Variants in FRMPD1 observed in about 807,000 individuals in gnomAD.
The protein encoded by FRMPD1 is FERM and PDZ domain containing 1.
In FRMPD1, 76 loss-of-function variants were observed where a neutral mutation model predicts 117.8. The observed-to-expected ratio is 0.65, with a 90% CI of 0.54 to 0.78. The LOEUF (loss-of-function observed/expected upper bound fraction) is 0.78, where lower values mean the gene tolerates loss of function less well. FRMPD1 is among the 30% of genes least tolerant of loss of function. The pLI is 0.00. For missense variants in FRMPD1, 1,786 were observed against 1,964.5 expected, an observed-to-expected ratio of 0.91 and a Z score of 1.72; for synonymous variants, 783 against 770.4, an observed-to-expected ratio of 1.02 and a Z score of -0.27.
chr9:37,676,110 T>A (rs543935326), intron 1 of FRMPD1, among the ~76,000 whole-genome samples: 334 of 152,360 alleles, frequency 2.2e-3, no homozygotes, highest in African/African-American at 7.5e-3. Context: ...GCATCACTTT[T>A]ACAGTTGTAC....
At chr9:37,676,096 C>T (rs1821518362) in intron 1 of FRMPD1, among the ~76,000 whole-genome samples, 1 of 152,238 alleles carries the variant, frequency 6.6e-6, no homozygotes, top group Non-Finnish European at 1.5e-5. Flanking sequence ...CCTGTCTGCG[C>T]TCCGCATCAC....
intron 2 of FRMPD1, among the ~76,000 whole-genome samples, chr9:37,702,234 C>T (rs370206511): frequency 1.2e-4 from 19 of 152,176 alleles, no homozygotes; most frequent in African/African-American, 4.3e-4. Context: ...ACTACATTAG[C>T]AGTAACATAT....
At chr9:37,669,975 A>G (rs1019659545) in intron 1 of FRMPD1, 1 of 151,512 alleles carries the variant, frequency 6.6e-6, no homozygotes, top group African/African-American at 2.4e-5. Context: ...CCTGGGCAAC[A>G]AGAGCAAAAC....
the FRMPD1 span, among the ~76,000 whole-genome samples, chr9:37,635,302 T>C: frequency 0.72 from 109,475 of 152,056 alleles, 40,614 homozygotes; most frequent in Non-Finnish European, 0.81. Flanking sequence ...AATGTTCAAT[T>C]GAATTTATTT....
At chr9:37,698,400 C>T (rs1263652848) in intron 2 of FRMPD1, among the ~76,000 whole-genome samples, 1 of 152,030 alleles carries the variant, frequency 6.6e-6, no homozygotes, top group East Asian at 1.9e-4. Flanking sequence ...ACTGACCCCT[C>T]CTTTATTGTA....
At chr9:37,632,289 A>T in the FRMPD1 span, among the ~76,000 whole-genome samples, 3 of 152,200 alleles carry the variant, frequency 2.0e-5, no homozygotes, top group Non-Finnish European at 4.4e-5. Context: ...ATGTTGATGA[A>T]CATTCTTGTT....
chr9:37,662,365 G>GC (rs1476548446), intron 1 of FRMPD1, among the ~76,000 whole-genome samples: 5 of 152,228 alleles, frequency 3.3e-5, no homozygotes, highest in African/African-American at 9.6e-5. Context: ...CATGAACTTT[G>GC]GGGGGTACAT....
intron 7 of FRMPD1, among the ~76,000 whole-genome samples, chr9:37,728,456 G>A (rs1240587282): frequency 6.6e-6 from 1 of 152,178 alleles, no homozygotes; most frequent in Non-Finnish European, 1.5e-5. Flanking sequence ...AAGAGTAATG[G>A]GGAAAGTATA....
intron 3 of FRMPD1, 117 bp from the exon 4 acceptor site, chr9:37,708,282 G>T (rs923543761): frequency 1.1e-5 from 7 of 664,626 alleles, no homozygotes; most frequent in Non-Finnish European, 1.6e-5. Flanking sequence ...TGAAGGCGGG[G>T]GAGTGAGCCA....
chr9:37,650,889 C>A (rs1190244252), upstream of FRMPD1: 1 of 148,284 alleles, frequency 6.7e-6, no homozygotes, highest in Non-Finnish European at 1.5e-5. Context: ...CAGCACCTGC[C>A]GCCGCCAGAC....
rs377727097 is a variant in FRMPD1 at position 37,744,866 on chromosome 9, G to C, written c.2834G>C (p.Arg945Pro). 3 of 1,614,050 alleles carry C rather than the reference G, an allele frequency of 1.9e-6. No individual in the cohort carries two copies. The highest frequency in any genetic ancestry group is 2.5e-6 in the Non-Finnish European group (3 of 1,179,980). The change falls in exon 16 of 16, where the codon CGC becomes CCC. Residue 945 changes from arginine (R) to proline (P), a missense_variant. By Grantham distance (103) the Arg-to-Pro change is moderately radical. Coordinates refer to ENST00000377765, the MANE Select transcript of FRMPD1 (RefSeq NM_014907.3). ...DSRVSSISAIRFRIDPNNKEN... is the reference protein window; with the variant it reads ...DSRVSSISAIPFRIDPNNKEN... ...CGAGTGTCTTCTATTTCTGCCATTC[G>C]CTTCCGGATTGACCCCAACAATAAA... is the stretch of plus-strand genomic sequence containing the variant.
intron 1 of FRMPD1, among the ~76,000 whole-genome samples, chr9:37,656,402 C>G (rs1820845767): frequency 1.3e-5 from 2 of 152,164 alleles, no homozygotes; most frequent in South Asian, 4.1e-4. Flanking sequence ...AAGGAATATA[C>G]TGTGTAAAAT....
At chr9:37,631,534 G>A in the FRMPD1 span, among the ~76,000 whole-genome samples, 2 of 152,232 alleles carry the variant, frequency 1.3e-5, no homozygotes, top group African/African-American at 4.8e-5. Flanking sequence ...CGTTTCCAAT[G>A]TGCATCTTGA....
chr9:37,634,042 TTTCTA>T, the FRMPD1 span, among the ~76,000 whole-genome samples: 7 of 152,214 alleles, frequency 4.6e-5, no homozygotes, highest in African/African-American at 1.7e-4. Context: ...ATTATTCTCT[TTTCTA>T]TTTTATTTGC....
rs377512929 is a variant in FRMPD1, at chr9:37,719,216, G to A, written c.516+40G>A. 5.7e-5 allele frequency: 73 copies of A among 1,271,218 alleles called. No homozygotes were observed. The African/African-American group carries it at 6.7e-4, about 12-fold the overall frequency. 78.7% of individuals were successfully genotyped at this position (1,271,218 alleles called of 1,614,324 possible). A position where few individuals can be genotyped will look rare whatever the true frequency, so the allele number is the denominator to read the frequency against. ...AAGGGATTGAAATTATGAAGCTGGC[G>A]AGCTGCCTTCTGGCACATAACTCCC... On this transcript the variant is annotated intron_variant, in intron 6 of 15. Coordinates refer to ENST00000377765, the MANE Select transcript of FRMPD1 (RefSeq NM_014907.3).
chr9:37,702,606 C>A (rs550876992), intron 2 of FRMPD1, among the ~76,000 whole-genome samples: 1 of 152,130 alleles, frequency 6.6e-6, no homozygotes, highest in African/African-American at 2.4e-5. Flanking sequence ...GAGGTAAGAT[C>A]AGTCTGGAGT....
At chr9:37,719,222 C>T in intron 6 of FRMPD1, 46 bp downstream of exon 6, 3 of 1,149,724 alleles carry the variant, frequency 2.6e-6, no homozygotes, top group Non-Finnish European at 4.0e-6. Context: ...TGGCGAGCTG[C>T]CTTCTGGCAC....
In FRMPD1 at chr9:37,744,686, C is replaced by T; in HGVS notation, c.2654C>T (p.Ser885Phe). Residue 885 changes from serine to phenylalanine, a missense_variant, in exon 16 of 16, where the codon TCC becomes TTC. Ser to Phe is a radical substitution (Grantham distance 155). Coordinates refer to ENST00000377765, the MANE Select transcript of FRMPD1 (RefSeq NM_014907.3). ...CTTGGTGCACCCTCCCCAACTGTGT[C>T]CTCTCTGCAGGACATGCAGGGTGAG... ...LALGAPSPTV[S>F]SLQDMQGEPG... 6.2e-7 allele frequency: 1 copy of T among 1,614,070 alleles called. No individual in the cohort carries two copies. The highest frequency in any genetic ancestry group is 1.1e-5 in the South Asian group (1 of 91,084).
the FRMPD1 span, among the ~76,000 whole-genome samples, chr9:37,633,127 G>A: frequency 8.6e-5 from 13 of 151,526 alleles, no homozygotes; most frequent in African/African-American, 3.1e-4. Flanking sequence ...TGCAACCTCT[G>A]CTCCCAGGTT....
Sources: gnomAD v4.1 joint callset for allele counts (sites outside exome capture counted in the v4.1 genomes callset) on GRCh38, gnomAD v4.1.1 for gene constraint, MANE v1.5 for transcripts, NCBI Gene and HGNC (gene_info 2026-07-23, HGNC 2026-07-21) for gene names.